NCOR2: variants seen among roughly 807,000 people sequenced by gnomAD.
NCOR2 encodes CTG repeat protein 26.
In NCOR2, 81 loss-of-function variants were observed where a neutral mutation model predicts 262.9. The ratio of observed to expected loss-of-function variants is 0.31; its 90% confidence interval spans 0.26 to 0.37. The LOEUF is 0.37. Among genes scored for constraint, NCOR2 ranks in the 10% least tolerant of loss-of-function variants. The pLI is 1.00. For missense variants in NCOR2, 3,385 were observed against 3,621.4 expected (o/e 0.93, Z 1.68); for synonymous variants, 1,659 against 1,559.3 (o/e 1.06, Z -1.51).
In NCOR2 at chr12:124,461,409, C is replaced by T. The variant is rs139817625; in HGVS notation, c.706-4247G>A. ...TCGCCAGCCAACTGAGATCCGGGCACGTTCTCATTCGAGCAGTGGCACCCC... is the reference window on the plus strand; with the variant it reads ...TCGCCAGCCAACTGAGATCCGGGCATGTTCTCATTCGAGCAGTGGCACCCC... On this transcript the variant is annotated intron_variant, in intron 5 of 46. Transcript: ENST00000405201. 3.5e-3 allele frequency among the ~76,000 whole-genome samples: 530 copies of T among 152,356 alleles called. 3 individuals carry two copies. Among genetic ancestry groups the T allele is most frequent in the African/African-American group, 0.012 (503 of 41,582 alleles).
chr12:124,526,564 C>T (rs1355400935), intron 1 of NCOR2, among the ~76,000 whole-genome samples: 1 of 152,130 alleles, frequency 6.6e-6, no homozygotes, highest in Admixed American at 6.5e-5. Flanking sequence ...ACAAGACTGC[C>T]CCCAGCCACC....
rs1565957968 is a variant in NCOR2 at position 124,454,518 on chromosome 12, C to T, written c.762+2588G>A. ...CTCCCACGGACAGGGGCTTCCTCGC[C>T]TGTGTTCCTCGGGCCCTAAGACACA... On this transcript the variant is annotated intron_variant, in intron 6 of 46. Coordinates refer to ENST00000405201, the Ensembl canonical transcript of NCOR2. The surrounding 1 kb of genome is among the most constrained non-coding windows in gnomAD (Gnocchi z 5.6). Among the ~76,000 whole-genome samples, 1 of 152,196 alleles carries T rather than the reference C, an allele frequency of 6.6e-6. No individual in the cohort carries two copies. The highest frequency in any genetic ancestry group is 1.9e-4 in the East Asian group (1 of 5,192).
At chr12:124,467,302 C>G (rs2046486723) in intron 4 of NCOR2, among the ~76,000 whole-genome samples, 1 of 48,810 alleles carries the variant, frequency 2.0e-5, no homozygotes. Context: ...CCTCATCACC[C>G]TCATCCTCAT....
chr12:124,544,886 C>T (rs1210189221), intron 1 of NCOR2, among the ~76,000 whole-genome samples: 7 of 152,132 alleles, frequency 4.6e-5, no homozygotes, highest in Non-Finnish European at 8.8e-5. Context: ...GAGGCAGTTT[C>T]CTCTCGGTGA....
At chr12:124,509,238 G>GC (rs199969463) in intron 1 of NCOR2, among the ~76,000 whole-genome samples, 2 of 116,422 alleles carry the variant, frequency 1.7e-5, no homozygotes, top group Admixed American at 8.9e-5. Context: ...GCTTTGGTGG[G>GC]GGGGGGGGGG....
At chr12:124,446,699 T>A (rs1462045559) in intron 7 of NCOR2, among the ~76,000 whole-genome samples, 2 of 152,146 alleles carry the variant, frequency 1.3e-5, no homozygotes, top group African/African-American at 2.4e-5. Context: ...ATAGAATTTT[T>A]AAAAAATGAA....
At position 124,457,178 on chromosome 12, in the gene NCOR2, G is replaced by A. The variant is rs761139782; in HGVS notation, c.706-16C>T. 20 of 1,535,516 alleles carry A rather than the reference G, an allele frequency of 1.3e-5. No homozygotes were observed. Among genetic ancestry groups the A allele is most frequent in the East Asian group, 2.6e-5 (1 of 38,626 alleles). ...CAGCCTTCTTCTGCAGGGTGATGGC[G>A]AAGAGGAGGAATTTTTTTAAAAAAC... On this transcript the variant is annotated splice_polypyrimidine_tract_variant and intron_variant, in intron 5 of 46. Coordinates refer to ENST00000405201, the Ensembl canonical transcript of NCOR2. The surrounding 1 kb of genome is among the most constrained non-coding windows in gnomAD (Gnocchi z 4.0).
intron 33 of NCOR2, among the ~76,000 whole-genome samples, 155 bp from the exon 36 acceptor site, chr12:124,342,229 C>G (rs1003296176): frequency 5.3e-5 from 8 of 152,212 alleles, no homozygotes; most frequent in Admixed American, 2.0e-4. Flanking sequence ...GAGCGTCGGA[C>G]AGCAGGAAAA....
rs1235467799 is a variant in NCOR2, at chr12:124,432,841, G to A, written c.883-2054C>T. Reference sequence around the variant, plus strand: ...TGCCTGGCTTCCACATCTCCAAGGTGACTTGAGCAAGTGGCGGCGGGGGGC... The same window carrying A: ...TGCCTGGCTTCCACATCTCCAAGGTAACTTGAGCAAGTGGCGGCGGGGGGC... On this transcript the variant is annotated intron_variant, in intron 8 of 46. Transcript: ENST00000405201. This position sits in a 1 kb window ranked among gnomAD's most constrained non-coding sequence, Gnocchi z 5.1. Among the ~76,000 whole-genome samples, 1 of 132,576 alleles carries A rather than the reference G, an allele frequency of 7.5e-6. No individual in the cohort carries two copies. Among genetic ancestry groups the A allele is most frequent in the Admixed American group, 8.5e-5 (1 of 11,816 alleles). The allele number at this position is 132,576 out of a possible 152,430, so 87.0% of individuals were successfully genotyped here.
At chr12:124,339,822 A>ACACTCACCTAACCCGAC (rs2036283979) in intron 37 of NCOR2, among the ~76,000 whole-genome samples, 184 bp downstream of exon 39, 1 of 115,142 alleles carries the variant, frequency 8.7e-6, no homozygotes, top group Admixed American at 8.6e-5. Flanking sequence ...ACTGACCCAC[A>ACACTCACCTAACCCGAC]CACCCACCTA....
At chr12:124,405,457 C>T (rs2042225134) in intron 13 of NCOR2, among the ~76,000 whole-genome samples, 1 of 152,252 alleles carries the variant, frequency 6.6e-6, no homozygotes, top group East Asian at 1.9e-4. Flanking sequence ...GCCTAGGGCC[C>T]TGTGCACAGG....
At chr12:124,374,043 C>G (rs2039782623) in intron 19 of NCOR2, among the ~76,000 whole-genome samples, 1 of 152,214 alleles carries the variant, frequency 6.6e-6, no homozygotes, top group African/African-American at 2.4e-5. Context: ...ATTCCTGGCT[C>G]TCTAGCCCCC....
chr12:124,527,026 T>C (rs1213042527), intron 1 of NCOR2, among the ~76,000 whole-genome samples: 1 of 152,250 alleles, frequency 6.6e-6, no homozygotes, highest in Non-Finnish European at 1.5e-5. Context: ...CAAATGGGCT[T>C]GCTTTGTCCT....
intron 1 of NCOR2, among the ~76,000 whole-genome samples, chr12:124,557,699 T>C (rs1334484433): frequency 1.3e-5 from 2 of 151,930 alleles, no homozygotes; most frequent in African/African-American, 4.8e-5. Flanking sequence ...AAAATAAAAA[T>C]ATCCAGGAGG....
At chr12:124,447,711 A>T (rs1459491136) in intron 7 of NCOR2, among the ~76,000 whole-genome samples, 14 of 143,476 alleles carry the variant, frequency 9.8e-5, no homozygotes, top group Admixed American at 2.0e-4. Flanking sequence ...TTTTTTTTTT[A>T]ACAGAAACAG....
At chr12:124,366,689 C>CT (rs1029856649) in intron 20 of NCOR2, among the ~76,000 whole-genome samples, 8 of 151,796 alleles carry the variant, frequency 5.3e-5, no homozygotes, top group Admixed American at 4.6e-4. Context: ...GCATTTTTTT[C>CT]TTTTTTGTGG....
In NCOR2 at chr12:124,346,865, G is replaced by A. The variant is rs746981016; in HGVS notation, c.4073-15C>T. On this transcript the variant is annotated splice_polypyrimidine_tract_variant and intron_variant, in intron 30 of 46. Coordinates refer to ENST00000405201, the Ensembl canonical transcript of NCOR2. ...CCGAGGGATCCCTGCCGGGCCGACA[G>A]CACTGACCCTCACGCCCCGCCCCAC... The A allele has an allele frequency of 9.7e-6, 15 of 1,544,808 alleles. No individual in the cohort carries two copies. The highest frequency in any genetic ancestry group is 1.1e-5 in the Non-Finnish European group (13 of 1,147,882).
At chr12:124,445,537 A>AC (rs769550071) in intron 7 of NCOR2, among the ~76,000 whole-genome samples, 1 of 152,178 alleles carries the variant, frequency 6.6e-6, no homozygotes, top group Non-Finnish European at 1.5e-5. Context: ...AATTAAAGTG[A>AC]CGGGGCAAGG....
chr12:124,550,767 C>T (rs2051690230), intron 1 of NCOR2, among the ~76,000 whole-genome samples: 1 of 152,222 alleles, frequency 6.6e-6, no homozygotes, highest in Non-Finnish European at 1.5e-5. Context: ...GGGGCCCACA[C>T]CTCAATGGAG....
Sources: gnomAD v4.1 joint callset for allele counts (sites outside exome capture counted in the v4.1 genomes callset) on GRCh38, gnomAD v4.1.1 for gene constraint, Gnocchi (gnomAD v3.1) non-coding constraint, MANE v1.5 for transcripts, NCBI Gene and HGNC (gene_info 2026-07-23, HGNC 2026-07-21) for gene names.